Variants in DLGAP2 observed in about 807,000 individuals in gnomAD.
The protein encoded by DLGAP2 is disks large-associated protein 2.
DLGAP2 carries 26 observed loss-of-function variants against 100.3 expected under a neutral mutation model. The observed-to-expected ratio is 0.26, with a 90% CI of 0.19 to 0.36. The LOEUF is 0.36. Ranked by LOEUF, DLGAP2 falls within the 10% of genes least tolerant of loss-of-function variation. The probability of loss-of-function intolerance (pLI) is 1.00; values close to 1 mark genes in which losing one functional copy is unlikely to be tolerated. For missense variants in DLGAP2, 1,858 were observed against 1,453.2 expected (o/e 1.28, Z -4.53); for synonymous variants, 886 against 630.1 (o/e 1.41, Z -6.08).
intron 1 of DLGAP2, among the ~76,000 whole-genome samples, chr8:870,164 A>G (rs1453629758): frequency 3.9e-5 from 6 of 152,100 alleles, no homozygotes; most frequent in African/African-American, 2.4e-5. Context: ...ATTTTATTCT[A>G]TGGCTATTTC....
Position 1,430,019 on chromosome 8 carries a change from T to TATATATATATATATATATATATATAC in DLGAP2, c.107-71338_107-71337insTATATATATATATATACATATATATA, listed in dbSNP as rs1797376142. On this transcript the variant is annotated intron_variant, in intron 3 of 14. Transcript: ENST00000637795. ...ATGCATATATATACATATATATATA[T>TATATATATATATATATATATATATAC]ATATATATACACACACACACATATG... 2.1e-5 allele frequency among the ~76,000 whole-genome samples: 2 copies of TATATATATATATATATATATATATAC among 93,552 alleles called. 1 individual carries two copies. The highest frequency in any genetic ancestry group is 4.1e-5 in the Non-Finnish European group (2 of 48,552). 61.4% of individuals were successfully genotyped at this position (93,552 alleles called of 152,430 possible).
intron 11 of DLGAP2, 27 bp from the exon 12 acceptor site, chr8:1,678,187 A>ATCTG: frequency 6.3e-7 from 1 of 1,584,338 alleles, no homozygotes. Context: ...AAGGGCTACC[A>ATCTG]TCTGTCTTCC....
intron 3 of DLGAP2, among the ~76,000 whole-genome samples, chr8:1,352,411 C>A (rs1326582391): frequency 6.6e-6 from 1 of 152,164 alleles, no homozygotes; most frequent in South Asian, 2.1e-4. Flanking sequence ...TCCCCAGCGA[C>A]TCTCCCTGTA....
intron 1 of DLGAP2, among the ~76,000 whole-genome samples, chr8:847,360 T>G (rs1797089878): frequency 6.6e-6 from 1 of 152,246 alleles, no homozygotes; most frequent in Admixed American, 6.5e-5. Flanking sequence ...GTTTTATTTT[T>G]AATTTTTGAC....
At chr8:794,874 G>A (rs898296811) in intron 1 of DLGAP2, among the ~76,000 whole-genome samples, 2 of 152,164 alleles carry the variant, frequency 1.3e-5, no homozygotes, top group African/African-American at 4.8e-5. Context: ...TGGGTGGCGG[G>A]TATTTCTAGC....
rs529569258 is a variant in DLGAP2, at chr8:1,266,576, T to G, written c.106+7693T>G. ...TTGGATAAATTCCACATTCATAATC[T>G]TGCCCCTACTGGTCTGTCCAATGCT... On this transcript the variant is annotated intron_variant, in intron 3 of 14. Transcript: ENST00000637795. Among the ~76,000 whole-genome samples, 6 of 152,338 alleles carry G rather than the reference T, an allele frequency of 3.9e-5. No individual in the cohort carries two copies. In the South Asian group the frequency reaches 1.2e-3, roughly 32 times the overall value.
intron 4 of DLGAP2, among the ~76,000 whole-genome samples, chr8:1,529,559 A>C (rs1350599993): frequency 6.6e-6 from 1 of 152,166 alleles, no homozygotes; most frequent in East Asian, 1.9e-4. Context: ...TAATTACCCA[A>C]AGAGAGTGAG....
intron 1 of DLGAP2, among the ~76,000 whole-genome samples, chr8:856,633 C>A (rs189241069): frequency 6.6e-6 from 1 of 151,960 alleles, no homozygotes; most frequent in South Asian, 2.1e-4. Flanking sequence ...TACATTAGTA[C>A]CAAAAAAATG....
intron 3 of DLGAP2, among the ~76,000 whole-genome samples, chr8:1,343,767 G>A (rs1461637580): frequency 6.6e-6 from 1 of 152,000 alleles, no homozygotes; most frequent in Non-Finnish European, 1.5e-5. Flanking sequence ...TCTCCAAGAG[G>A]CGGGGGCAGT....
chr8:1,311,104 C>G (rs973003260), intron 3 of DLGAP2, among the ~76,000 whole-genome samples: 1 of 151,436 alleles, frequency 6.6e-6, no homozygotes. Context: ...GGGGACATTA[C>G]TACAGACCAC....
chr8:946,480 G>T (rs893845180), intron 2 of DLGAP2, among the ~76,000 whole-genome samples: 2 of 152,014 alleles, frequency 1.3e-5, no homozygotes, highest in African/African-American at 2.4e-5. Flanking sequence ...AGCCAGGATG[G>T]TCTCGATCTC....
At chr8:860,560 T>TG (rs919757686) in intron 1 of DLGAP2, among the ~76,000 whole-genome samples, 19 of 152,368 alleles carry the variant, frequency 1.2e-4, no homozygotes, top group African/African-American at 4.1e-4. Context: ...ATAACACTCA[T>TG]GGCAGTGACT....
rs187611532 is a variant in DLGAP2 at position 1,376,250 on chromosome 8, C to T, written c.106+117367C>T. On this transcript the variant is annotated intron_variant, in intron 3 of 14. Transcript: ENST00000637795. ...CCAGCTGTGGGTGAAGGGCCCGGGA[C>T]GTGCTGTCTCATAGCTGTGAGCCAC... Among the ~76,000 whole-genome samples the T allele has an allele frequency of 7.2e-5, 11 of 152,364 alleles. No homozygotes were observed. In the East Asian group the frequency reaches 1.7e-3, roughly 24 times the overall value.
At chr8:1,505,218 T>C (rs1799864840) in intron 4 of DLGAP2, among the ~76,000 whole-genome samples, 1 of 152,220 alleles carries the variant, frequency 6.6e-6, no homozygotes, top group African/African-American at 2.4e-5. Context: ...ATAATTCTAC[T>C]GGGTCAAATT....
chr8:857,693 A>T (rs1211766521), intron 1 of DLGAP2, among the ~76,000 whole-genome samples: 1 of 152,084 alleles, frequency 6.6e-6, no homozygotes, highest in East Asian at 1.9e-4. Context: ...GCTGGTGAGG[A>T]TGTGGAGCAA....
chr8:1,566,486 T>C (rs1802407112), intron 6 of DLGAP2, among the ~76,000 whole-genome samples: 2 of 152,370 alleles, frequency 1.3e-5, no homozygotes, highest in South Asian at 4.1e-4. Context: ...TGACTGTTAC[T>C]GTCAACAGCC....
At chr8:1,069,559 C>A (rs535771181) in intron 2 of DLGAP2, among the ~76,000 whole-genome samples, 1 of 152,140 alleles carries the variant, frequency 6.6e-6, no homozygotes, top group Non-Finnish European at 1.5e-5. Flanking sequence ...TCCGAGAGTC[C>A]GAGCTTTACT....
At chr8:1,594,593 C>G (rs79807555) in intron 6 of DLGAP2, among the ~76,000 whole-genome samples, 19 of 152,098 alleles carry the variant, frequency 1.2e-4, no homozygotes, top group African/African-American at 4.6e-4. Flanking sequence ...ACAGAACTTA[C>G]GGGAAATCAC....
intron 2 of DLGAP2, among the ~76,000 whole-genome samples, chr8:986,014 C>T (rs1800476516): frequency 6.6e-6 from 1 of 152,142 alleles, no homozygotes; most frequent in African/African-American, 2.4e-5. Flanking sequence ...TTTCTGGAAA[C>T]TCTTGATATC....
Sources: gnomAD v4.1 joint callset for allele counts (sites outside exome capture counted in the v4.1 genomes callset) on GRCh38, gnomAD v4.1.1 for gene constraint, MANE v1.5 for transcripts, NCBI Gene and HGNC (gene_info 2026-07-23, HGNC 2026-07-21) for gene names.